The following MAN1A2 variants were observed in gnomAD, a reference collection of about 807,000 sequenced individuals.
The protein encoded by MAN1A2 is mannosidase alpha class 1A member 2, also known as mannosyl-oligosaccharide 1,2-alpha-mannosidase IB.
Under a neutral mutation model 75.7 loss-of-function variants are expected in MAN1A2, and 26 were observed. That is an observed-to-expected ratio of 0.34 (90% CI 0.25 to 0.48). The LOEUF (loss-of-function observed/expected upper bound fraction) is 0.48. Ranked by LOEUF, MAN1A2 falls within the 20% of genes least tolerant of loss-of-function variation. The pLI, the probability that MAN1A2 is intolerant of heterozygous loss-of-function variation, is 0.99. For synonymous variants in MAN1A2, 247 were observed against 264.6 expected, an observed-to-expected ratio of 0.93 and a Z score of 0.65; for missense variants, 562 against 775.5, an observed-to-expected ratio of 0.72 and a Z score of 3.27.
In MAN1A2 at chr1:117,460,604, T is replaced by C. The variant is rs1386933968; in HGVS notation, c.1066T>C (p.Tyr356His). ...LSYLTGDLTY[Y>H]KKVMHIRKLL... ...CTACTTGACAGGGGACCTGACTTAC[T>C]ACAAAAAGGTTTGTTTTCTTGCCTT... The change falls in exon 7 of 13, where the codon TAC becomes CAC. Residue 356 changes from tyrosine (Y) to histidine (H), a missense_variant. Coordinates refer to ENST00000356554, the MANE Select transcript of MAN1A2 (RefSeq NM_006699.5). 1.9e-6 allele frequency: 3 copies of C among 1,601,284 alleles called. No homozygotes were observed. The highest frequency in any genetic ancestry group is 2.7e-5 in the African/African-American group (2 of 74,444).
intron 5 of MAN1A2, among the ~76,000 whole-genome samples, chr1:117,433,107 T>C (rs867596666): frequency 6.6e-6 from 1 of 151,924 alleles, no homozygotes; most frequent in African/African-American, 2.4e-5. Flanking sequence ...AAGCATTTGA[T>C]AAGATGCAAC....
chr1:117,443,985 C>G (rs1427064329), intron 6 of MAN1A2, among the ~76,000 whole-genome samples: 1 of 151,824 alleles, frequency 6.6e-6, no homozygotes, highest in Non-Finnish European at 1.5e-5. Context: ...GTCTTGATGA[C>G]TGAAAGCCAA....
At chr1:117,369,733 A>T (rs1032466895) in intron 1 of MAN1A2, among the ~76,000 whole-genome samples, 1 of 152,082 alleles carries the variant, frequency 6.6e-6, no homozygotes, top group South Asian at 2.1e-4. Context: ...TTGTTTCTTT[A>T]ATTTTGCACT....
intron 6 of MAN1A2, among the ~76,000 whole-genome samples, chr1:117,450,277 T>C (rs1037899976): frequency 2.0e-5 from 3 of 152,176 alleles, no homozygotes; most frequent in African/African-American, 2.4e-5. Context: ...GCCCTAGAGA[T>C]GTGTGGAGCC....
chr1:117,488,982 A>G (rs190720577), intron 8 of MAN1A2, among the ~76,000 whole-genome samples: 11 of 152,100 alleles, frequency 7.2e-5, no homozygotes, highest in East Asian at 1.9e-4. Context: ...CTTTAAAAAC[A>G]CATTTTGAGA....
intron 12 of MAN1A2, among the ~76,000 whole-genome samples, chr1:117,504,522 G>C (rs545955663): frequency 9.3e-5 from 14 of 151,026 alleles, no homozygotes; most frequent in Non-Finnish European, 1.5e-4. Flanking sequence ...TTCAAGAAAA[G>C]GTCATCATCT....
chr1:117,495,781 C>T (rs1651020352), intron 9 of MAN1A2, among the ~76,000 whole-genome samples: 1 of 151,738 alleles, frequency 6.6e-6, no homozygotes, highest in Non-Finnish European at 1.5e-5. Flanking sequence ...AAATACCACC[C>T]CATACTCAAA....
intron 2 of MAN1A2, among the ~76,000 whole-genome samples, chr1:117,404,365 A>G (rs183750383): frequency 3.9e-5 from 6 of 152,336 alleles, no homozygotes; most frequent in Admixed American, 2.0e-4. Flanking sequence ...ATACTCTGCT[A>G]TTGTATAACT....
chr1:117,526,880 C>CTATATATATATATATATATA lies in MAN1A2; in HGVS notation c.*3933_*3952dup, dbSNP rs59022844. ...TCTCTCTCTCTCTCTCTCTCTCTCT[C>CTATATATATATATATATATA]TATATATATATATATATATATATAT... On this transcript the variant is annotated 3_prime_UTR_variant, in exon 13 of 13. Transcript: ENST00000356554. 2.0e-4 allele frequency: 11 copies of CTATATATATATATATATATA among 54,516 alleles called. No individual in the cohort carries two copies. The highest frequency in any genetic ancestry group is 4.8e-4 in the Admixed American group (2 of 4,176). 3.4% of individuals were successfully genotyped at this position (54,516 alleles called of 1,614,324 possible). A position where few individuals can be genotyped will look rare whatever the true frequency, so the allele number is the denominator to read the frequency against.
chr1:117,447,690 A>G (rs1447578798), intron 6 of MAN1A2, among the ~76,000 whole-genome samples: 1 of 152,034 alleles, frequency 6.6e-6, no homozygotes. Context: ...GATTGAATTT[A>G]TTTTATTCAG....
intron 6 of MAN1A2, among the ~76,000 whole-genome samples, chr1:117,457,471 A>T (rs895551932): frequency 6.6e-6 from 1 of 151,936 alleles, no homozygotes; most frequent in East Asian, 1.9e-4. Context: ...GTTCTTAGGG[A>T]TTTTCTTATT....
chr1:117,472,930 A>G (rs936803256), intron 8 of MAN1A2, among the ~76,000 whole-genome samples: 1 of 151,982 alleles, frequency 6.6e-6, no homozygotes, highest in African/African-American at 2.4e-5. Context: ...ATTGGTGGAC[A>G]ACCCTGCTGT....
At chr1:117,426,665 G>A (rs890038414) in intron 5 of MAN1A2, among the ~76,000 whole-genome samples, 1 of 152,030 alleles carries the variant, frequency 6.6e-6, no homozygotes. Context: ...TACTGAAAAC[G>A]AATAACAGAA....
At chr1:117,442,440 A>G (rs966046855) in intron 6 of MAN1A2, 115 bp downstream of exon 6, 26 of 620,612 alleles carry the variant, frequency 4.2e-5, no homozygotes, top group Admixed American at 1.7e-4. Context: ...TTTTCTCTCT[A>G]TATATAATCT....
chr1:117,513,846 A>G (rs1384906754), intron 12 of MAN1A2, among the ~76,000 whole-genome samples: 1 of 152,140 alleles, frequency 6.6e-6, no homozygotes, highest in Non-Finnish European at 1.5e-5. Flanking sequence ...TCCTTTGCAA[A>G]CAATTTTACT....
At chr1:117,378,758 T>C (rs1049641844) in intron 1 of MAN1A2, among the ~76,000 whole-genome samples, 5 of 152,290 alleles carry the variant, frequency 3.3e-5, no homozygotes, top group Non-Finnish European at 7.4e-5. Flanking sequence ...CTGCTGTCAA[T>C]TTGTTTGTAC....
At chr1:117,521,057 G>A (rs746184826) in intron 12 of MAN1A2, among the ~76,000 whole-genome samples, 2 of 151,618 alleles carry the variant, frequency 1.3e-5, no homozygotes, top group Non-Finnish European at 3.0e-5. Context: ...AACAAACAAA[G>A]TGGGGTAAAG....
intron 5 of MAN1A2, among the ~76,000 whole-genome samples, chr1:117,432,824 G>T (rs1424517273): frequency 6.6e-6 from 1 of 150,812 alleles, no homozygotes; most frequent in East Asian, 1.9e-4. Context: ...AAATACATTA[G>T]CAAGAATCCT....
At chr1:117,519,445 A>C (rs1054196478) in intron 12 of MAN1A2, among the ~76,000 whole-genome samples, 1 of 152,116 alleles carries the variant, frequency 6.6e-6, no homozygotes, top group Non-Finnish European at 1.5e-5. Flanking sequence ...AAGATTAACC[A>C]AGAAAAGAAA....
Sources: allele counts gnomAD v4.1 joint callset (sites outside exome capture counted in the v4.1 genomes callset), GRCh38; gene constraint gnomAD v4.1.1; transcripts MANE v1.5; gene names NCBI Gene and HGNC (gene_info 2026-07-23, HGNC 2026-07-21).